GRM5: variants seen among roughly 807,000 people sequenced by gnomAD.
GRM5 encodes metabotropic glutamate receptor 5.
A neutral mutation model predicts 83.1 loss-of-function variants in GRM5; 19 were observed. The ratio of observed to expected loss-of-function variants is 0.23; its 90% confidence interval spans 0.16 to 0.34. GRM5 has a LOEUF of 0.34. Among genes scored for constraint, GRM5 ranks in the 10% least tolerant of loss-of-function variants. GRM5 has a pLI of 1.00. For missense variants in GRM5, 1,160 were observed against 1,588.3 expected (o/e 0.73, Z 4.58); for synonymous variants, 675 against 633.6 (o/e 1.07, Z -0.98).
intron 2 of GRM5, among the ~76,000 whole-genome samples, chr11:89,012,645 G>A (rs763521255): frequency 3.9e-5 from 6 of 152,126 alleles, no homozygotes; most frequent in Non-Finnish European, 5.9e-5. Flanking sequence ...GTCCTAATAC[G>A]AAGAAGAAGT....
intron 2 of GRM5, among the ~76,000 whole-genome samples, chr11:88,988,388 T>G (rs1591024258): frequency 6.6e-6 from 1 of 151,470 alleles, no homozygotes; most frequent in Admixed American, 6.6e-5. Context: ...GTCTGATTGG[T>G]GTACCTGAAA....
At chr11:89,048,743 G>T (rs567733904) in intron 1 of GRM5, among the ~76,000 whole-genome samples, 198 of 152,196 alleles carry the variant, frequency 1.3e-3, no homozygotes, top group African/African-American at 4.4e-3. Flanking sequence ...GAAAAGGTTG[G>T]GGAATTATAG....
intron 2 of GRM5, among the ~76,000 whole-genome samples, chr11:88,913,806 C>G (rs563963): frequency 6.6e-6 from 1 of 151,670 alleles, no homozygotes; most frequent in African/African-American, 2.4e-5. Context: ...AGGCTGGTCT[C>G]GAACTCCTGA....
At chr11:88,718,894 C>T (rs1337939589) in intron 3 of GRM5, among the ~76,000 whole-genome samples, 1 of 151,926 alleles carries the variant, frequency 6.6e-6, no homozygotes, top group Non-Finnish European at 1.5e-5. Context: ...AAAGACTTCA[C>T]TGAGAAATTG....
At chr11:89,000,454 T>C (rs1940341062) in intron 2 of GRM5, among the ~76,000 whole-genome samples, 1 of 152,112 alleles carries the variant, frequency 6.6e-6, no homozygotes, top group South Asian at 2.1e-4. Flanking sequence ...ATTAAAACAA[T>C]TCAATTCATA....
chr11:88,970,604 G>C (rs1565314373), intron 2 of GRM5, among the ~76,000 whole-genome samples: 1 of 152,188 alleles, frequency 6.6e-6, no homozygotes, highest in Non-Finnish European at 1.5e-5. Flanking sequence ...TACTACATTA[G>C]TCAAGCTTTG....
intron 3 of GRM5, among the ~76,000 whole-genome samples, chr11:88,744,772 C>T (rs1322441836): frequency 6.6e-6 from 1 of 152,144 alleles, no homozygotes; most frequent in East Asian, 1.9e-4. Context: ...CCCATAACAA[C>T]TCTATCAGAA....
At chr11:88,516,622 T>G (rs979068700) in intron 9 of GRM5, among the ~76,000 whole-genome samples, 1 of 152,166 alleles carries the variant, frequency 6.6e-6, no homozygotes, top group African/African-American at 2.4e-5. Flanking sequence ...ACGAAGGGGA[T>G]GTTAGTTATG....
chr11:88,903,781 T>C (rs1451045436), intron 2 of GRM5, among the ~76,000 whole-genome samples: 4 of 152,184 alleles, frequency 2.6e-5, no homozygotes, highest in Non-Finnish European at 5.9e-5. Context: ...TTATGAGCAA[T>C]TACTTAATAG....
At chr11:88,725,323 C>T (rs191723966) in intron 3 of GRM5, among the ~76,000 whole-genome samples, 3 of 152,304 alleles carry the variant, frequency 2.0e-5, no homozygotes, top group South Asian at 2.1e-4. Context: ...TGTAGCCAGA[C>T]TGCCTCTCTA....
In GRM5 at chr11:89,002,420, C is replaced by T. The variant is rs150679224; in HGVS notation, c.661+44792G>A. Among the ~76,000 whole-genome samples, 1,174 of 152,158 alleles carry T rather than the reference C, an allele frequency of 7.7e-3. 10 individuals are homozygous for T. Among genetic ancestry groups the T allele is most frequent in the African/African-American group, 0.021 (858 of 41,514 alleles). On this transcript the variant is annotated intron_variant, in intron 2 of 9. Transcript: ENST00000305447. Reference sequence around the variant, plus strand: ...GGGAGCTCTGGCTTCCTAAAAAAAACTCAAAAATAAGAGGCTGCCAAAGCT... The same window carrying T: ...GGGAGCTCTGGCTTCCTAAAAAAAATTCAAAAATAAGAGGCTGCCAAAGCT...
intron 3 of GRM5, among the ~76,000 whole-genome samples, chr11:88,734,044 T>A (rs888018152): frequency 1.1e-4 from 17 of 152,038 alleles, no homozygotes; most frequent in Non-Finnish European, 2.1e-4. Context: ...TTATTTTAGG[T>A]CACTATTGAT....
chr11:89,004,608 A>G (rs1273054226), intron 2 of GRM5, among the ~76,000 whole-genome samples: 1 of 152,222 alleles, frequency 6.6e-6, no homozygotes, highest in East Asian at 1.9e-4. Flanking sequence ...TAAGATGTTG[A>G]AAGTGGGCAT....
intron 2 of GRM5, among the ~76,000 whole-genome samples, chr11:88,929,088 A>C (rs1195760167): frequency 6.6e-6 from 1 of 152,106 alleles, no homozygotes; most frequent in African/African-American, 2.4e-5. Context: ...CATCATGTGA[A>C]ATTGGAATAA....
intron 2 of GRM5, among the ~76,000 whole-genome samples, chr11:88,945,979 A>G (rs535035694): frequency 6.6e-6 from 1 of 152,228 alleles, no homozygotes; most frequent in South Asian, 2.1e-4. Flanking sequence ...AATATCTACA[A>G]ACTATGCATC....
At chr11:88,845,246 C>CA (rs992221127) in intron 3 of GRM5, among the ~76,000 whole-genome samples, 21 of 151,816 alleles carry the variant, frequency 1.4e-4, no homozygotes, top group Non-Finnish European at 1.9e-4. Flanking sequence ...AATCAGTCAG[C>CA]AGCCATCAAC....
At chr11:88,573,796 T>C (rs931231713) in intron 7 of GRM5, among the ~76,000 whole-genome samples, 2 of 152,216 alleles carry the variant, frequency 1.3e-5, no homozygotes, top group Non-Finnish European at 2.9e-5. Context: ...ATAAGCCATC[T>C]TTCTGCCTTT....
At chr11:88,763,884 T>G (rs560803000) in intron 3 of GRM5, among the ~76,000 whole-genome samples, 3 of 151,912 alleles carry the variant, frequency 2.0e-5, no homozygotes, top group African/African-American at 7.2e-5. Context: ...TATCATTTAT[T>G]GCCTTAAATG....
At chr11:88,830,769 A>T (rs1255985607) in intron 3 of GRM5, among the ~76,000 whole-genome samples, 1 of 152,192 alleles carries the variant, frequency 6.6e-6, no homozygotes, top group African/African-American at 2.4e-5. Flanking sequence ...GCTGATAAAG[A>T]CATACCCAAG....
Sources: gnomAD v4.1 joint callset for allele counts (sites outside exome capture counted in the v4.1 genomes callset) on GRCh38, gnomAD v4.1.1 for gene constraint, MANE v1.5 for transcripts, NCBI Gene and HGNC (gene_info 2026-07-23, HGNC 2026-07-21) for gene names.